UNC5C: variants seen among roughly 807,000 people sequenced by gnomAD.
The protein encoded by UNC5C is netrin receptor UNC5C.
UNC5C carries 47 observed loss-of-function variants against 99.8 expected under a neutral mutation model. The ratio of observed to expected loss-of-function variants is 0.47; its 90% CI spans 0.37 to 0.60. The LOEUF (loss-of-function observed/expected upper bound fraction) is 0.60. Among genes scored for constraint, UNC5C ranks in the 20% least tolerant of loss-of-function variants. The pLI is 0.00. For missense variants in UNC5C, 1,062 were observed against 1,165.9 expected (o/e 0.91, Z 1.30); for synonymous variants, 487 against 452.2 (o/e 1.08, Z -0.98).
At chr4:95,254,535 T>C (rs1166851748) in intron 4 of UNC5C, among the ~76,000 whole-genome samples, 1 of 152,194 alleles carries the variant, frequency 6.6e-6, no homozygotes, top group Non-Finnish European at 1.5e-5. Context: ...GTCTAGATCA[T>C]TGCCCTTAAA....
chr4:95,397,865 A>C (rs191326085), intron 1 of UNC5C, among the ~76,000 whole-genome samples: 215 of 152,298 alleles, frequency 1.4e-3, no homozygotes, highest in Non-Finnish European at 2.5e-3. Context: ...ACATCAAGAC[A>C]ACTATCAAAA....
chr4:95,225,658 T>C (rs1738656827), intron 7 of UNC5C, among the ~76,000 whole-genome samples: 2 of 152,100 alleles, frequency 1.3e-5, no homozygotes, highest in South Asian at 4.1e-4. Context: ...TTAAAAATAT[T>C]TTACAAAGTC....
At chr4:95,319,888 A>G (rs997351449) in intron 2 of UNC5C, among the ~76,000 whole-genome samples, 1 of 152,194 alleles carries the variant, frequency 6.6e-6, no homozygotes, top group Non-Finnish European at 1.5e-5. Context: ...ATTTAGTGGT[A>G]CAGAAACAAA....
At chr4:95,485,804 G>C (rs1324271823) in intron 1 of UNC5C, among the ~76,000 whole-genome samples, 1 of 151,592 alleles carries the variant, frequency 6.6e-6, no homozygotes, top group African/African-American at 2.4e-5. Flanking sequence ...CTATCAGGTA[G>C]GGTTCTATAA....
At chr4:95,330,001 T>A (rs1365080953) in intron 2 of UNC5C, among the ~76,000 whole-genome samples, 1 of 152,166 alleles carries the variant, frequency 6.6e-6, no homozygotes, top group Non-Finnish European at 1.5e-5. Context: ...AAGTTTTCTT[T>A]ATTATTTTTC....
chr4:95,302,111 T>G (rs1420128862), intron 2 of UNC5C, among the ~76,000 whole-genome samples: 1 of 152,190 alleles, frequency 6.6e-6, no homozygotes, highest in Non-Finnish European at 1.5e-5. Context: ...AATTATATAG[T>G]TGTGGGTAAA....
intron 12 of UNC5C, among the ~76,000 whole-genome samples, chr4:95,194,600 G>C (rs902700108): frequency 4.6e-5 from 7 of 152,232 alleles, no homozygotes; most frequent in Non-Finnish European, 8.8e-5. Context: ...AACAATGACA[G>C]ATTTCTCTGA....
intron 1 of UNC5C, among the ~76,000 whole-genome samples, chr4:95,515,049 C>A (rs1034926459): frequency 2.0e-5 from 3 of 152,056 alleles, no homozygotes; most frequent in Non-Finnish European, 4.4e-5. Flanking sequence ...TTAAATATAT[C>A]TAATTTGCAA....
At chr4:95,393,850 G>GTTTTTTTT (rs10638203) in intron 1 of UNC5C, among the ~76,000 whole-genome samples, 1 of 133,744 alleles carries the variant, frequency 7.5e-6, no homozygotes. Context: ...ACAATCTACT[G>GTTTTTTTT]TTTTTTTTTT....
intron 1 of UNC5C, among the ~76,000 whole-genome samples, chr4:95,489,108 G>T (rs776571021): frequency 3.3e-5 from 5 of 149,634 alleles, no homozygotes; most frequent in Non-Finnish European, 7.4e-5. Context: ...GAAAGGGGGA[G>T]GGGGAGAGGA....
chr4:95,412,921 A>G (rs559891070), intron 1 of UNC5C, among the ~76,000 whole-genome samples: 21 of 152,310 alleles, frequency 1.4e-4, no homozygotes, highest in African/African-American at 4.8e-4. Context: ...TCAGCTTCCT[A>G]ATTTTCCCTG....
chr4:95,169,904 A>G (rs1736020206), intron 15 of UNC5C, among the ~76,000 whole-genome samples: 3 of 152,224 alleles, frequency 2.0e-5, no homozygotes, highest in South Asian at 4.1e-4. Context: ...AATTTAGCCC[A>G]TCAGCTTGGC....
intron 1 of UNC5C, among the ~76,000 whole-genome samples, chr4:95,369,785 G>A (rs1177784203): frequency 2.0e-5 from 3 of 151,966 alleles, no homozygotes; most frequent in African/African-American, 4.8e-5. Flanking sequence ...AGAAAGTTTC[G>A]ACTACAGCGG....
At chr4:95,356,209 AAAACAAAAC>A (rs1297439767) in intron 1 of UNC5C, among the ~76,000 whole-genome samples, 1,623 of 106,686 alleles carry the variant, frequency 0.015, 55 homozygotes, top group Non-Finnish European at 0.022. Flanking sequence ...AAAAAAAAAA[AAAACAAAAC>A]AAAAAAAAAA....
At chr4:95,425,838 A>G (rs113152680) in intron 1 of UNC5C, among the ~76,000 whole-genome samples, 5,085 of 152,312 alleles carry the variant, frequency 0.033, 272 homozygotes, top group African/African-American at 0.12. Flanking sequence ...ATTTATTCAT[A>G]CCATTAAGTA....
chr4:95,437,550 C>T (rs1277698298), intron 1 of UNC5C, among the ~76,000 whole-genome samples: 1 of 151,972 alleles, frequency 6.6e-6, no homozygotes, highest in Non-Finnish European at 1.5e-5. Flanking sequence ...AAGGAGATAG[C>T]CCTTCTTTCA....
chr4:95,357,033 GACA>G (rs1202614613), intron 1 of UNC5C, among the ~76,000 whole-genome samples: 1 of 151,928 alleles, frequency 6.6e-6, no homozygotes, highest in Non-Finnish European at 1.5e-5. Flanking sequence ...TAAGGTCTGT[GACA>G]ACATTTCCAA....
rs553006566 is a variant in UNC5C, at chr4:95,199,368, A to G, written c.2136+3363T>C. On this transcript the variant is annotated intron_variant, in intron 12 of 15. Transcript: ENST00000453304. Reference sequence around the variant, plus strand: ...GGTATGTTGGAGAGGCCATTTGCCTATAACTAGGATTTTGGTATTTCTGCA... The same window carrying G: ...GGTATGTTGGAGAGGCCATTTGCCTGTAACTAGGATTTTGGTATTTCTGCA... Among the ~76,000 whole-genome samples the G allele has an allele frequency of 4.3e-4, 65 of 152,310 alleles. 2 individuals are homozygous for G. In the South Asian group the frequency reaches 0.012, roughly 27 times the overall value.
At chr4:95,340,491 G>C (rs1327935338) in intron 1 of UNC5C, among the ~76,000 whole-genome samples, 2 of 151,940 alleles carry the variant, frequency 1.3e-5, no homozygotes, top group Admixed American at 1.3e-4. Context: ...TGAGACTCCA[G>C]CTTATTTTTA....
Sources: gnomAD v4.1 joint callset for allele counts (sites outside exome capture counted in the v4.1 genomes callset) on GRCh38, gnomAD v4.1.1 for gene constraint, MANE v1.5 for transcripts, NCBI Gene and HGNC (gene_info 2026-07-23, HGNC 2026-07-21) for gene names.